The following YES1 variants were observed in gnomAD, a reference collection of about 807,000 sequenced individuals.
YES1 encodes tyrosine-protein kinase Yes.
A neutral mutation model predicts 70.4 loss-of-function variants in YES1; 39 were observed. That is an observed-to-expected ratio of 0.55 (90% confidence interval 0.43 to 0.72). YES1 has a LOEUF of 0.72. Ranked by LOEUF, YES1 falls within the 30% of genes least tolerant of loss-of-function variation. The pLI, the probability that YES1 is intolerant of heterozygous loss-of-function variation, is 0.00. For synonymous variants in YES1, 198 were observed against 218.6 expected, an observed-to-expected ratio of 0.91 and a Z score of 0.83; for missense variants, 495 against 644.8, an observed-to-expected ratio of 0.77 and a Z score of 2.52.
At chr18:752,967 T>C (rs2080361346) in intron 2 of YES1, among the ~76,000 whole-genome samples, 1 of 152,080 alleles carries the variant, frequency 6.6e-6, no homozygotes, top group African/African-American at 2.4e-5. Context: ...AATAAAATGG[T>C]ATGGATGATA....
At chr18:734,472 C>T (rs796224038) in intron 10 of YES1, among the ~76,000 whole-genome samples, 42 of 151,102 alleles carry the variant, frequency 2.8e-4, no homozygotes, top group Non-Finnish European at 4.1e-4. Context: ...GGCAGAATGG[C>T]GAGAACCCGG....
In YES1 at chr18:756,622, G is replaced by A. The variant is rs749885349; in HGVS notation, c.206C>T (p.Thr69Met). The A allele has an allele frequency of 2.8e-5, 45 of 1,614,014 alleles. No homozygotes were observed. The highest frequency in any genetic ancestry group is 3.4e-5 in the Non-Finnish European group (40 of 1,180,048). The change falls in exon 2 of 12, where the codon ACG becomes ATG. Residue 69 changes from threonine (T) to methionine (M), a missense_variant. By Grantham distance (81) the Thr-to-Met change is moderately conservative. Around this residue, in one of 2 missense-constraint regions of YES1, gnomAD observed 110 missense variants for 104.0 expected, o/e 1.06. Coordinates refer to ENST00000314574, the MANE Select transcript of YES1 (RefSeq NM_005433.4). ...TGAGGAAGATGCACCTCCAAAAGGC[G>A]TTACCCCTGAGGATCCTCCAAATGG... is the stretch of plus-strand genomic sequence containing the variant. The part of the protein sequence containing the change: ...MTPFGGSSGV[T>M]PFGGASSSFS...
At chr18:753,074 A>G (rs1368092999) in intron 2 of YES1, among the ~76,000 whole-genome samples, 2 of 152,238 alleles carry the variant, frequency 1.3e-5, no homozygotes, top group Non-Finnish European at 2.9e-5. Flanking sequence ...TATTATTTGC[A>G]AACAAAACAA....
At chr18:733,966 T>A (rs1269199626) in intron 10 of YES1, among the ~76,000 whole-genome samples, 1 of 152,186 alleles carries the variant, frequency 6.6e-6, no homozygotes, top group East Asian at 1.9e-4. Context: ...TTGGCACCAT[T>A]ACAAAATGTT....
At chr18:771,292 A>C (rs1905145038) in intron 1 of YES1, among the ~76,000 whole-genome samples, 2 of 152,172 alleles carry the variant, frequency 1.3e-5, no homozygotes, top group South Asian at 4.2e-4. Context: ...ATTTGAACCT[A>C]GGAGGCGGAG....
intron 11 of YES1, 110 bp downstream of exon 11, chr18:732,724 G>A (rs1020011000): frequency 1.4e-6 from 2 of 1,381,644 alleles, no homozygotes; most frequent in East Asian, 2.3e-5. Flanking sequence ...GAGAGGCAGG[G>A]GGACTATGAG....
At position 784,634 on chromosome 18, in the gene YES1, T is replaced by C. The variant is rs372892392; in HGVS notation, c.-9+27480A>G. On this transcript the variant is annotated intron_variant, in intron 1 of 11. Coordinates refer to ENST00000314574, the MANE Select transcript of YES1 (RefSeq NM_005433.4). ...AGACAAAATCAGTTCTTGCCCTTTCTAGCTTGTGGGGGCTGCCCACATTCC... is the reference window on the plus strand; with the variant it reads ...AGACAAAATCAGTTCTTGCCCTTTCCAGCTTGTGGGGGCTGCCCACATTCC... 2.4e-4 allele frequency among the ~76,000 whole-genome samples: 37 copies of C among 152,364 alleles called. 1 individual carries two copies. In the East Asian group the frequency reaches 2.9e-3, roughly 12 times the overall value.
chr18:744,389 T>G (rs2080252938), intron 6 of YES1, among the ~76,000 whole-genome samples: 1 of 116,502 alleles, frequency 8.6e-6, no homozygotes, highest in Admixed American at 9.6e-5. Context: ...TTTAGGAGAT[T>G]TTTTCTTTTT....
rs1313428700 is a variant in YES1 at position 723,217 on chromosome 18, GAACA to G, written c.*1203_*1206del. 1 of 152,240 alleles carries G rather than the reference GAACA, an allele frequency of 6.6e-6. No homozygotes were observed. The highest frequency in any genetic ancestry group is 1.5e-5 in the Non-Finnish European group (1 of 68,022). 9.4% of individuals were successfully genotyped at this position (152,240 alleles called of 1,614,324 possible). On this transcript the variant is annotated 3_prime_UTR_variant, in exon 12 of 12. Transcript: ENST00000314574. ...TGTGAAGCCATAACTTCATTATTTT[GAACA>G]AATACCCATTTAGTGTGTAAGAAAA...
intron 1 of YES1, among the ~76,000 whole-genome samples, chr18:762,036 A>T (rs1330653436): frequency 6.6e-6 from 1 of 151,680 alleles, no homozygotes; most frequent in African/African-American, 2.4e-5. Flanking sequence ...AAAATACAAA[A>T]TTAGCTGGGC....
intron 1 of YES1, among the ~76,000 whole-genome samples, chr18:794,963 G>C (rs567032364): frequency 2.0e-5 from 3 of 152,084 alleles, no homozygotes; most frequent in Admixed American, 1.3e-4. Flanking sequence ...CTACAGGCGC[G>C]TGCCACCATG....
chr18:724,199 C>T lies in YES1; in HGVS notation c.*225G>A, dbSNP rs2079990956. 2 of 517,336 alleles carry T rather than the reference C, an allele frequency of 3.9e-6. No individual in the cohort carries two copies. The highest frequency in any genetic ancestry group is 3.5e-6 in the Non-Finnish European group (1 of 289,516). The allele number at this position is 517,336 out of a possible 1,614,324, so 32.0% of individuals were successfully genotyped here. A position where few individuals can be genotyped will look rare whatever the true frequency, so the allele number is the denominator to read the frequency against. ...CCACACTGTCATCAGTATCTTAGCT[C>T]TATTTTGTTTGGACCCTGAAATACG... On this transcript the variant is annotated 3_prime_UTR_variant, in exon 12 of 12. Coordinates refer to ENST00000314574, the MANE Select transcript of YES1 (RefSeq NM_005433.4).
intron 1 of YES1, among the ~76,000 whole-genome samples, chr18:773,493 T>C (rs571504499): frequency 6.6e-6 from 1 of 152,298 alleles, no homozygotes; most frequent in African/African-American, 2.4e-5. Context: ...ATTCAAAAAC[T>C]TGAACCATGA....
chr18:809,915 T>C (rs1198952890), intron 1 of YES1, among the ~76,000 whole-genome samples: 1 of 152,176 alleles, frequency 6.6e-6, no homozygotes, highest in East Asian at 1.9e-4. Context: ...GCCAGGTCCC[T>C]ATCACAATCT....
intron 1 of YES1, among the ~76,000 whole-genome samples, chr18:802,783 T>C (rs954540305): frequency 5.9e-5 from 9 of 152,016 alleles, no homozygotes; most frequent in African/African-American, 1.9e-4. Flanking sequence ...TTATCTGTAA[T>C]AAATACCTAC....
intron 1 of YES1, among the ~76,000 whole-genome samples, chr18:776,989 A>T (rs556799407): frequency 6.6e-6 from 1 of 152,358 alleles, no homozygotes; most frequent in East Asian, 1.9e-4. Context: ...TGGTTATGAA[A>T]AACAAAAAGG....
chr18:745,515 G>A (rs1272928536), intron 6 of YES1, among the ~76,000 whole-genome samples, 193 bp downstream of exon 6: 2 of 152,164 alleles, frequency 1.3e-5, no homozygotes, highest in Non-Finnish European at 2.9e-5. Flanking sequence ...GAGTCTATTA[G>A]CACATTATCT....
chr18:803,503 AC>A (rs1355225687), intron 1 of YES1, among the ~76,000 whole-genome samples: 3 of 152,134 alleles, frequency 2.0e-5, no homozygotes, highest in African/African-American at 7.2e-5. Context: ...TTTGTTTATT[AC>A]CCCCAATCTT....
intron 10 of YES1, 118 bp downstream of exon 10, chr18:736,690 C>T: frequency 1.5e-6 from 2 of 1,336,068 alleles, no homozygotes; most frequent in Non-Finnish European, 1.0e-6. Context: ...AAATCAATGT[C>T]TCTATGACTC....
Sources: allele counts gnomAD v4.1 joint callset (sites outside exome capture counted in the v4.1 genomes callset), GRCh38; gene constraint gnomAD v4.1.1; regional missense constraint gnomAD v4.1.1; transcripts MANE v1.5; gene names NCBI Gene and HGNC (gene_info 2026-07-23, HGNC 2026-07-21).